The following CD36 variants were observed in gnomAD, a reference collection of about 807,000 sequenced individuals.
CD36 encodes CD36 molecule (CD36 blood group).
Under a neutral mutation model 55.2 loss-of-function variants are expected in CD36, and 119 were observed. The observed-to-expected ratio is 2.15, with a 90% confidence interval of 1.86 to 2.51. CD36 has a LOEUF of 2.51. Among genes scored for constraint, CD36 ranks in the 30% most tolerant of loss-of-function variants. CD36 has a pLI of 0.00. For synonymous variants in CD36, 186 were observed against 193.6 expected (o/e 0.96, Z 0.33); for missense variants, 819 against 555.5 (o/e 1.47, Z -4.77).
intron 14 of CD36, chr7:80,676,036 T>C (rs1173974834): frequency 6.6e-6 from 1 of 152,034 alleles, no homozygotes; most frequent in African/African-American, 2.4e-5. Flanking sequence ...TTAGAGAACT[T>C]CTCTCTGCAG....
intron 1 of CD36, among the ~76,000 whole-genome samples, chr7:80,641,006 C>T (rs1794774692): frequency 1.3e-5 from 2 of 151,978 alleles, no homozygotes; most frequent in Admixed American, 1.3e-4. Context: ...ATCTCATAGT[C>T]CAGTTATTTG....
intron 1 of CD36, among the ~76,000 whole-genome samples, chr7:80,630,664 C>A (rs751291890): frequency 2.6e-5 from 4 of 151,900 alleles, no homozygotes; most frequent in Non-Finnish European, 5.9e-5. Flanking sequence ...TCACTGCAGG[C>A]TCCTTTCCTC....
At position 80,673,360 on chromosome 7, in the gene CD36, TAAAG is replaced by T; in HGVS notation, c.1208_1211del (p.Lys403IlefsTer2). The T allele has an allele frequency of 6.9e-7, 1 of 1,455,732 alleles. No individual in the cohort carries two copies. The allele number at this position is 1,455,732 out of a possible 1,614,324, so 90.2% of individuals were successfully genotyped here. On this transcript the variant is annotated frameshift_variant, in exon 13 of 15. Coordinates refer to ENST00000447544, the MANE Select transcript of CD36 (RefSeq NM_001001548.3). LOFTEE classifies it high-confidence loss of function. ...ATTTTCAACGTATATTACAGAGTAT[TAAAG>T]AATCTGAAGAGGAACTATATTGTGC...
rs1761667 is a variant in CD36 at position 80,615,623 on chromosome 7, G to A, written c.-184+13244G>A. On this transcript the variant is annotated intron_variant, in intron 1 of 13. Coordinates refer to the CD36 transcript ENST00000309881. Reference sequence around the variant, plus strand: ...ATTTTATTCATCTTTGCATGCCAGCGCCATGCTCAAAGCCTGGAGTATGAT... The same window carrying A: ...ATTTTATTCATCTTTGCATGCCAGCACCATGCTCAAAGCCTGGAGTATGAT... Among the ~76,000 whole-genome samples the A allele has an allele frequency of 0.48, 73,443 of 151,986 alleles. 18,385 individuals are homozygous for A. The highest frequency in any genetic ancestry group is 0.56 in the Admixed American group (8,563 of 15,276).
intron 1 of CD36, among the ~76,000 whole-genome samples, chr7:80,612,297 G>A (rs1313433656): frequency 6.6e-6 from 1 of 152,078 alleles, no homozygotes; most frequent in Non-Finnish European, 1.5e-5. Flanking sequence ...AAAATCACAG[G>A]AGATCAGTCC....
intron 1 of CD36, among the ~76,000 whole-genome samples, chr7:80,631,238 AAT>A (rs1183352786): frequency 2.6e-5 from 4 of 152,038 alleles, no homozygotes; most frequent in Non-Finnish European, 1.5e-5. Context: ...GATCACAGTA[AAT>A]ATGTTTGAGT....
intron 3 of CD36, chr7:80,647,258 C>CGTG: frequency 4.9e-6 from 1 of 204,430 alleles, no homozygotes; most frequent in South Asian, 7.1e-5. Context: ...AAAAGTAAAA[C>CGTG]TGTGTGTGTG....
chr7:80,673,283 CATTT>C (rs920839364), intron 12 of CD36, 68 bp from the exon 13 acceptor site: 10 of 714,252 alleles, frequency 1.4e-5, no homozygotes, highest in Non-Finnish European at 2.1e-5. Flanking sequence ...AATTTATGAA[CATTT>C]ATTTTAAAGT....
At chr7:80,663,821 A>T (rs1210479620) in intron 6 of CD36, among the ~76,000 whole-genome samples, 1 of 152,152 alleles carries the variant, frequency 6.6e-6, no homozygotes, top group Non-Finnish European at 1.5e-5. Flanking sequence ...TTGGCACTAT[A>T]TGTGAATATT....
intron 1 of CD36, among the ~76,000 whole-genome samples, chr7:80,619,733 A>G (rs932902744): frequency 6.6e-6 from 1 of 152,112 alleles, no homozygotes; most frequent in Non-Finnish European, 1.5e-5. Flanking sequence ...TTGAAAACCA[A>G]CTGAAAGTAA....
intron 4 of CD36, among the ~76,000 whole-genome samples, chr7:80,658,507 T>G (rs1796268901): frequency 1.3e-5 from 2 of 152,180 alleles, no homozygotes; most frequent in Admixed American, 6.6e-5. Context: ...TTTGTTTATT[T>G]TTTGAGGCAA....
At chr7:80,626,381 ATT>A in intron 1 of CD36, 1 of 152,216 alleles carries the variant, frequency 6.6e-6, no homozygotes, top group Admixed American at 6.6e-5. Context: ...TTCTGAATGT[ATT>A]TTTAGATTTC....
chr7:80,666,470 C>A lies in CD36; in HGVS notation c.729C>A (p.Cys243Ter), dbSNP rs149985988. 4.4e-5 allele frequency: 71 copies of A among 1,607,554 alleles called. 1 individual carries two copies. In the South Asian group the frequency reaches 5.6e-4, roughly 13 times the overall value. ...ATCTGTCCTATTGGGAAAGTCACTG[C>A]GACATGATTAATGGTACAGGTAAGA... ...KRNLSYWESH[C>*]DMINGTDAAS... Residue 243 changes from cysteine to a stop codon, truncating the protein, a stop_gained, in exon 8 of 15, where the codon TGC (cysteine) becomes TGA (stop). Transcript: ENST00000447544. LOFTEE classifies it high-confidence loss of function.
At chr7:80,632,805 G>T (rs866346715) in intron 1 of CD36, among the ~76,000 whole-genome samples, 18 of 151,790 alleles carry the variant, frequency 1.2e-4, no homozygotes, top group Admixed American at 8.6e-4. Context: ...TTATTTTAAA[G>T]ACTCCACTTT....
intron 8 of CD36, 137 bp downstream of exon 8, chr7:80,666,626 C>A: frequency 1.4e-6 from 1 of 722,010 alleles, no homozygotes; most frequent in South Asian, 1.5e-5. Context: ...AATTCAGAGT[C>A]ACTATTTGTA....
intron 3 of CD36, among the ~76,000 whole-genome samples, chr7:80,650,321 C>G (rs1795504949): frequency 6.6e-6 from 1 of 152,066 alleles, no homozygotes; most frequent in Admixed American, 6.6e-5. Context: ...TTAATTTAGT[C>G]ATATGAAGTA....
At chr7:80,642,525 G>C (rs11489664) in intron 1 of CD36, among the ~76,000 whole-genome samples, 1 of 152,094 alleles carries the variant, frequency 6.6e-6, no homozygotes, top group Non-Finnish European at 1.5e-5. Flanking sequence ...GTCTTACGTA[G>C]TATGGGTGGT....
At chr7:80,610,914 C>G (rs779171922) in intron 1 of CD36, among the ~76,000 whole-genome samples, 4 of 151,978 alleles carry the variant, frequency 2.6e-5, no homozygotes, top group Non-Finnish European at 5.9e-5. Context: ...CTCTCTCTGT[C>G]AGTCAGGCTG....
chr7:80,642,845 T>C (rs900781062), intron 1 of CD36, among the ~76,000 whole-genome samples: 8 of 152,194 alleles, frequency 5.3e-5, no homozygotes, highest in Non-Finnish European at 1.0e-4. Flanking sequence ...TTTGCTTGTA[T>C]ATCATCCTGA....
Sources: allele counts gnomAD v4.1 joint callset (sites outside exome capture counted in the v4.1 genomes callset), GRCh38; gene constraint gnomAD v4.1.1; transcripts MANE v1.5; gene names NCBI Gene and HGNC (gene_info 2026-07-23, HGNC 2026-07-21).